SYTL2: variants seen among roughly 807,000 people sequenced by gnomAD.
The protein encoded by SYTL2 is synaptotagmin like 2.
SYTL2 carries 165 observed loss-of-function variants against 198.7 expected under a neutral mutation model. The ratio of observed to expected loss-of-function variants is 0.83; its 90% CI spans 0.73 to 0.94. The LOEUF (loss-of-function observed/expected upper bound fraction) is 0.94, where lower values mean the gene tolerates loss of function less well. Ranked by LOEUF, SYTL2 falls within the 40% of genes least tolerant of loss-of-function variation. The probability of loss-of-function intolerance (pLI) is 0.00; values close to 1 mark genes in which losing one functional copy is unlikely to be tolerated. For synonymous variants in SYTL2, 966 were observed against 917.7 expected (o/e 1.05, Z -0.95); for missense variants, 2,835 against 2,582.8 (o/e 1.10, Z -2.12).
chr11:85,727,917 T>C lies in SYTL2; in HGVS notation c.1441A>G (p.Ser481Gly). The C allele has an allele frequency of 1.2e-6, 2 of 1,613,470 alleles. No individual in the cohort carries two copies. Among genetic ancestry groups the C allele is most frequent in the Non-Finnish European group, 1.7e-6 (2 of 1,179,836 alleles). Residue 481 changes from serine (S) to glycine (G), a missense_variant, in exon 8 of 20, where the codon AGT (serine) becomes GGT (glycine). Physicochemically the swap from Ser to Gly is moderately conservative, Grantham distance 56. Around this residue, in one of 3 missense-constraint regions of SYTL2, gnomAD observed 2,645 missense variants for 2,381.7 expected, o/e 1.11. Transcript: ENST00000359152. ...TTACCTTGCTGACGGTCTCTAGAAC[T>C]GCCACCTGGCACCTGAGATGGCTCA... ...EPEPSQVPGGSSRDRQQGKPP... is the reference protein window; with the variant it reads ...EPEPSQVPGGGSRDRQQGKPP...
chr11:85,845,074 T>C, the SYTL2 span, among the ~76,000 whole-genome samples: 1 of 152,196 alleles, frequency 6.6e-6, no homozygotes, highest in Non-Finnish European at 1.5e-5. Flanking sequence ...TTCCTGCACA[T>C]TGTCAAGTTC....
chr11:85,841,788 T>C, the SYTL2 span, among the ~76,000 whole-genome samples: 60 of 152,274 alleles, frequency 3.9e-4, no homozygotes, highest in Non-Finnish European at 7.8e-4. Flanking sequence ...TTTACCTATA[T>C]AACAAACCTG....
chr11:85,769,324 A>G (rs1330709561), intron 1 of SYTL2, among the ~76,000 whole-genome samples: 1 of 152,230 alleles, frequency 6.6e-6, no homozygotes, highest in East Asian at 1.9e-4. Flanking sequence ...AGGAATTAGA[A>G]TAGTCAGAAG....
chr11:85,734,764 G>GTGATATATTACTCTCTATA, intron 6 of SYTL2, 22 bp from the exon 7 acceptor site: 2 of 1,550,490 alleles, frequency 1.3e-6, no homozygotes, highest in Non-Finnish European at 1.8e-6. Context: ...AACACAGTAG[G>GTGATATATTACTCTCTATA]TGATATATCA....
intron 1 of SYTL2, among the ~76,000 whole-genome samples, chr11:85,788,937 C>A (rs993780777): frequency 6.6e-6 from 1 of 151,160 alleles, no homozygotes; most frequent in Non-Finnish European, 1.5e-5. Context: ...GTCAAAGCAA[C>A]GGTCTCAAAA....
intron 1 of SYTL2, among the ~76,000 whole-genome samples, chr11:85,776,479 T>C (rs1249181585): frequency 6.6e-6 from 1 of 152,188 alleles, no homozygotes; most frequent in Non-Finnish European, 1.5e-5. Flanking sequence ...AACTCTCATT[T>C]ATGAGTGAGA....
At chr11:85,805,821 TACCCCCA>T (rs2092951867) in intron 1 of SYTL2, among the ~76,000 whole-genome samples, 2 of 152,240 alleles carry the variant, frequency 1.3e-5, no homozygotes, top group Non-Finnish European at 2.9e-5. Context: ...TATATCTACC[TACCCCCA>T]AATATTTACT....
the SYTL2 span, chr11:85,854,400 G>A: frequency 6.6e-6 from 1 of 151,674 alleles, no homozygotes; most frequent in East Asian, 1.9e-4. Flanking sequence ...GAACTTTAAA[G>A]GCTGTACGTG....
At chr11:85,783,164 T>C (rs376987090) in intron 1 of SYTL2, among the ~76,000 whole-genome samples, 1 of 152,220 alleles carries the variant, frequency 6.6e-6, no homozygotes, top group East Asian at 1.9e-4. Context: ...TACAGTTCCA[T>C]GTGGCTGGGG....
At chr11:85,792,119 A>G (rs2092739364) in intron 1 of SYTL2, among the ~76,000 whole-genome samples, 1 of 152,098 alleles carries the variant, frequency 6.6e-6, no homozygotes, top group Non-Finnish European at 1.5e-5. Flanking sequence ...TGAGGGGTAT[A>G]GTCTGCTCCA....
In SYTL2 at chr11:85,726,653, A is replaced by G; in HGVS notation, c.2705T>C (p.Leu902Pro). 1 of 1,537,142 alleles carries G rather than the reference A, an allele frequency of 6.5e-7. No homozygotes were observed. Residue 902 changes from leucine to proline, a missense_variant, in exon 8 of 20, where the codon CTG (leucine) becomes CCG (proline). This residue lies in a region of SYTL2 where 2,645 missense variants were observed against 2,381.7 expected (regional missense o/e 1.11). Coordinates refer to ENST00000359152, the MANE Select transcript of SYTL2 (RefSeq NM_206927.4). ...AGGCTCATTTTTCTTATTCTGAAACAGAGACACTTTATCTGATTGCTCAGC... is the reference window on the plus strand; with the variant it reads ...AGGCTCATTTTTCTTATTCTGAAACGGAGACACTTTATCTGATTGCTCAGC... ...LSAEQSDKVS[L>P]FQNKKNEPIK...
At chr11:85,707,753 C>G (rs1471404386) in intron 14 of SYTL2, among the ~76,000 whole-genome samples, 1 of 151,918 alleles carries the variant, frequency 6.6e-6, no homozygotes, top group Non-Finnish European at 1.5e-5. Context: ...TTTTAACGGG[C>G]ATTTCCTGCA....
upstream of SYTL2, among the ~76,000 whole-genome samples, chr11:85,812,453 A>G (rs1027204281): frequency 6.6e-6 from 1 of 152,192 alleles, no homozygotes; most frequent in Non-Finnish European, 1.5e-5. Context: ...GTGCTGGGTG[A>G]GCATGCCACA....
intron 1 of SYTL2, among the ~76,000 whole-genome samples, chr11:85,765,525 G>A (rs1044863670): frequency 2.0e-4 from 31 of 152,188 alleles, no homozygotes; most frequent in African/African-American, 4.8e-4. Flanking sequence ...GTGAGCCACC[G>A]CGCCTGGCAG....
chr11:85,712,721 C>A (rs908727767), intron 12 of SYTL2, among the ~76,000 whole-genome samples: 20 of 151,696 alleles, frequency 1.3e-4, no homozygotes, highest in African/African-American at 4.4e-4. Context: ...CACACACACA[C>A]ACACTTTTTT....
chr11:85,773,071 C>G (rs2092387111), intron 1 of SYTL2, among the ~76,000 whole-genome samples: 1 of 152,178 alleles, frequency 6.6e-6, no homozygotes, highest in Non-Finnish European at 1.5e-5. Context: ...GTATAAAAGA[C>G]ATAGGTTATC....
chr11:85,766,588 A>T (rs910263511), intron 1 of SYTL2, among the ~76,000 whole-genome samples: 1 of 152,204 alleles, frequency 6.6e-6, no homozygotes, highest in Non-Finnish European at 1.5e-5. Context: ...AGTTCAAAAT[A>T]CCAGAGAGAA....
the SYTL2 span, among the ~76,000 whole-genome samples, chr11:85,836,201 T>C: frequency 6.6e-6 from 1 of 152,210 alleles, no homozygotes; most frequent in African/African-American, 2.4e-5. Flanking sequence ...CGTTCTCACA[T>C]AGTAACCTCT....
the SYTL2 span, among the ~76,000 whole-genome samples, chr11:85,842,833 C>A: frequency 6.6e-6 from 1 of 152,340 alleles, no homozygotes; most frequent in East Asian, 1.9e-4. Flanking sequence ...AGGAAGCCAT[C>A]TCATCAGTCA....
Sources: allele counts gnomAD v4.1 joint callset (sites outside exome capture counted in the v4.1 genomes callset), GRCh38; gene constraint gnomAD v4.1.1; regional missense constraint gnomAD v4.1.1; transcripts MANE v1.5; gene names NCBI Gene and HGNC (gene_info 2026-07-23, HGNC 2026-07-21).